The following PRIM2 variants were observed in gnomAD, a reference collection of about 807,000 sequenced individuals.
PRIM2 encodes the protein DNA primase subunit 2.
A neutral mutation model predicts 67.3 loss-of-function variants in PRIM2; 39 were observed. That is an observed-to-expected ratio of 0.58 (90% CI 0.45 to 0.76). The LOEUF (loss-of-function observed/expected upper bound fraction) is 0.76. Among genes scored for constraint, PRIM2 ranks in the 30% least tolerant of loss-of-function variants. The pLI is 0.00. For synonymous variants in PRIM2, 143 were observed against 198.7 expected (o/e 0.72, Z 2.36); for missense variants, 398 against 598.7 (o/e 0.66, Z 3.50).
At chr6:57,473,161 A>T (rs1415756672) in intron 7 of PRIM2, among the ~76,000 whole-genome samples, 7 of 152,186 alleles carry the variant, frequency 4.6e-5, no homozygotes, top group Non-Finnish European at 1.0e-4. Context: ...TTGGAATCTC[A>T]TCAAGGGTAC....
At chr6:57,614,616 C>T (rs1238276570) in intron 12 of PRIM2, among the ~76,000 whole-genome samples, 2 of 152,104 alleles carry the variant, frequency 1.3e-5, no homozygotes, top group East Asian at 1.9e-4. Context: ...TTTGGGAGGC[C>T]GAAGCGGGCA....
chr6:57,260,270 A>T, the PRIM2 span, among the ~76,000 whole-genome samples: 65 of 152,242 alleles, frequency 4.3e-4, no homozygotes, highest in South Asian at 8.3e-4. Flanking sequence ...TCTGTCTGAC[A>T]TGTCTTAATG....
the PRIM2 span, among the ~76,000 whole-genome samples, chr6:57,279,686 A>G: frequency 1.3e-5 from 2 of 152,336 alleles, no homozygotes; most frequent in South Asian, 2.1e-4. Flanking sequence ...AGGTTCTACT[A>G]TGTGCTAGCA....
At chr6:57,602,000 G>A (rs1366716199) in intron 11 of PRIM2, among the ~76,000 whole-genome samples, 1 of 151,182 alleles carries the variant, frequency 6.6e-6, no homozygotes, top group Non-Finnish European at 1.5e-5. Context: ...AATAGATGAA[G>A]AAGTGGCCAG....
intron 5 of PRIM2, among the ~76,000 whole-genome samples, chr6:57,365,695 C>T (rs748267159): frequency 2.0e-5 from 3 of 152,080 alleles, no homozygotes; most frequent in South Asian, 4.1e-4. Context: ...TGCGGTAGCT[C>T]GCGCCTGTGA....
chr6:57,474,700 A>G (rs1464103959), intron 7 of PRIM2, among the ~76,000 whole-genome samples: 4 of 152,092 alleles, frequency 2.6e-5, no homozygotes, highest in Non-Finnish European at 5.9e-5. Flanking sequence ...GTGTGAGACT[A>G]TTAAGAGGTG....
chr6:57,270,541 G>C, the PRIM2 span, among the ~76,000 whole-genome samples: 1 of 152,142 alleles, frequency 6.6e-6, no homozygotes, highest in Non-Finnish European at 1.5e-5. Flanking sequence ...AGACGATGGG[G>C]TTTTCTAGAT....
chr6:57,302,588 A>G, the PRIM2 span, among the ~76,000 whole-genome samples: 1 of 152,112 alleles, frequency 6.6e-6, no homozygotes, highest in Non-Finnish European at 1.5e-5. Flanking sequence ...ACTAAAGCAT[A>G]TTTTTCTGCC....
chr6:57,477,668 T>C (rs2127404440), intron 7 of PRIM2, among the ~76,000 whole-genome samples: 1 of 152,322 alleles, frequency 6.6e-6, no homozygotes, highest in Non-Finnish European at 1.5e-5. Context: ...TTTAGTTAAA[T>C]TGATATTTTA....
At chr6:57,254,093 T>C in the PRIM2 span, among the ~76,000 whole-genome samples, 1 of 152,224 alleles carries the variant, frequency 6.6e-6, no homozygotes, top group African/African-American at 2.4e-5. Flanking sequence ...CTGAGCTCCA[T>C]CCTCATTTCT....
chr6:57,338,379 A>C (rs1056911587), intron 5 of PRIM2, among the ~76,000 whole-genome samples: 48 of 152,252 alleles, frequency 3.2e-4, no homozygotes, highest in African/African-American at 4.1e-4. Flanking sequence ...TCATCCTGAT[A>C]CCAAAGCCGG....
chr6:57,618,981 G>T (rs1185795998), intron 12 of PRIM2, among the ~76,000 whole-genome samples: 1 of 152,174 alleles, frequency 6.6e-6, no homozygotes, highest in Non-Finnish European at 1.5e-5. Context: ...CAAAAATGGA[G>T]CATTAAATCA....
At chr6:57,582,904 A>G (rs1776122892) in intron 10 of PRIM2, among the ~76,000 whole-genome samples, 1 of 148,412 alleles carries the variant, frequency 6.7e-6, no homozygotes, top group African/African-American at 2.5e-5. Context: ...GTCATTTAGC[A>G]TTAGGTATAT....
chr6:57,491,522 G>C (rs1320897202), intron 7 of PRIM2, among the ~76,000 whole-genome samples: 17 of 152,120 alleles, frequency 1.1e-4, no homozygotes, highest in African/African-American at 3.6e-4. Flanking sequence ...TTACTTTTGG[G>C]AGTGTGTACA....
chr6:57,469,259 A>G (rs1773280349), intron 7 of PRIM2, among the ~76,000 whole-genome samples: 1 of 152,364 alleles, frequency 6.6e-6, no homozygotes, highest in Admixed American at 6.5e-5. Context: ...CTCCTGGCAG[A>G]TTAGCTTTCA....
intron 1 of PRIM2, among the ~76,000 whole-genome samples, 183 bp downstream of exon 1, chr6:57,317,884 A>G (rs553155799): frequency 7.2e-5 from 11 of 152,234 alleles, no homozygotes; most frequent in Admixed American, 2.6e-4. Flanking sequence ...TAGGTTTGCC[A>G]GTGGAGTGAG....
intron 12 of PRIM2, among the ~76,000 whole-genome samples, chr6:57,616,562 T>G (rs1254479960): frequency 6.6e-6 from 1 of 152,228 alleles, no homozygotes; most frequent in Non-Finnish European, 1.5e-5. Context: ...GTTGAAACAC[T>G]GACAAATGTG....
At chr6:57,644,619 G>C (rs1777301575) in intron 13 of PRIM2, among the ~76,000 whole-genome samples, 1 of 152,098 alleles carries the variant, frequency 6.6e-6, no homozygotes, top group Non-Finnish European at 1.5e-5. Flanking sequence ...CACTATTTCT[G>C]GGTTCACTTC....
At chr6:57,541,447 A>G (rs1775151327) in intron 10 of PRIM2, among the ~76,000 whole-genome samples, 3 of 152,082 alleles carry the variant, frequency 2.0e-5, no homozygotes, top group Admixed American at 6.6e-5. Flanking sequence ...GTTACAGTGA[A>G]TATATATAAT....
Sources: allele counts gnomAD v4.1 joint callset (sites outside exome capture counted in the v4.1 genomes callset), GRCh38; gene constraint gnomAD v4.1.1; transcripts MANE v1.5; gene names NCBI Gene and HGNC (gene_info 2026-07-23, HGNC 2026-07-21).